Variants in SLC24A3 observed in about 807,000 individuals in gnomAD.
SLC24A3 encodes the protein sodium/potassium/calcium exchanger 3.
In SLC24A3, 28 loss-of-function variants were observed where a neutral mutation model predicts 75.8. The ratio of observed to expected loss-of-function variants is 0.37; its 90% confidence interval spans 0.27 to 0.51. The LOEUF is 0.51. Ranked by LOEUF, SLC24A3 falls within the 20% of genes least tolerant of loss-of-function variation. SLC24A3 has a pLI of 0.94. For synonymous variants in SLC24A3, 372 were observed against 334.1 expected, an observed-to-expected ratio of 1.11 and a Z score of -1.24; for missense variants, 663 against 847.8, an observed-to-expected ratio of 0.78 and a Z score of 2.71.
chr20:19,283,977 C>T (rs112701278), intron 2 of SLC24A3, among the ~76,000 whole-genome samples: 2 of 152,126 alleles, frequency 1.3e-5, no homozygotes, highest in Admixed American at 6.5e-5. Flanking sequence ...CTAAACAGAC[C>T]GTCATCTAGA....
chr20:19,406,181 GGTGTGTGTGTGT>G (rs372463704), intron 2 of SLC24A3, among the ~76,000 whole-genome samples: 2 of 145,444 alleles, frequency 1.4e-5, no homozygotes, highest in South Asian at 2.2e-4. Context: ...TTTTAAAGAT[GGTGTGTGTGTGT>G]GTGTGTGTGT....
intron 3 of SLC24A3, among the ~76,000 whole-genome samples, chr20:19,557,920 C>T (rs2030815791): frequency 6.6e-6 from 1 of 152,048 alleles, no homozygotes; most frequent in African/African-American, 2.4e-5. Flanking sequence ...CAATAATATC[C>T]CCCCTTTTTA....
chr20:19,372,613 C>T (rs3790195), intron 2 of SLC24A3, among the ~76,000 whole-genome samples: 68,975 of 152,028 alleles, frequency 0.45, 16,469 homozygotes, highest in African/African-American at 0.57. Context: ...AACAGACTAA[C>T]CAAACCTTGG....
intron 2 of SLC24A3, among the ~76,000 whole-genome samples, chr20:19,310,681 C>T (rs1984436822): frequency 1.3e-5 from 2 of 152,326 alleles, no homozygotes; most frequent in Non-Finnish European, 2.9e-5. Flanking sequence ...ATCTGTGCTG[C>T]AGTCATTCAG....
intron 3 of SLC24A3, among the ~76,000 whole-genome samples, chr20:19,547,936 G>A (rs1379426876): frequency 1.3e-5 from 2 of 152,166 alleles, no homozygotes; most frequent in East Asian, 1.9e-4. Context: ...CCAAGTATTG[G>A]GAACTGTGGT....
intron 1 of SLC24A3, among the ~76,000 whole-genome samples, chr20:19,262,995 G>A (rs1194022468): frequency 2.0e-5 from 3 of 150,214 alleles, no homozygotes; most frequent in Admixed American, 1.3e-4. Flanking sequence ...ACGCCCCTTT[G>A]TTCCTAGAAT....
intron 2 of SLC24A3, among the ~76,000 whole-genome samples, chr20:19,455,913 G>A (rs560074786): frequency 5.3e-5 from 8 of 152,340 alleles, no homozygotes; most frequent in African/African-American, 1.9e-4. Flanking sequence ...CTTAAGTAAC[G>A]TTTATTAGGC....
At chr20:19,422,356 T>G (rs1009759912) in intron 2 of SLC24A3, among the ~76,000 whole-genome samples, 1 of 152,102 alleles carries the variant, frequency 6.6e-6, no homozygotes, top group Non-Finnish European at 1.5e-5. Context: ...CGTGCCTTTG[T>G]CAAGCAGGTA....
intron 6 of SLC24A3, among the ~76,000 whole-genome samples, chr20:19,594,690 G>A (rs2031428517): frequency 1.3e-5 from 2 of 152,152 alleles, no homozygotes; most frequent in Non-Finnish European, 2.9e-5. Flanking sequence ...GTGAGTGGGT[G>A]GGTGGCTGAG....
chr20:19,704,288 G>A (rs918146032), intron 15 of SLC24A3, among the ~76,000 whole-genome samples: 4 of 152,144 alleles, frequency 2.6e-5, no homozygotes, highest in African/African-American at 4.8e-5. Context: ...AAGCACAACA[G>A]CAAAAAGAAT....
intron 2 of SLC24A3, among the ~76,000 whole-genome samples, chr20:19,448,962 G>A (rs1470030254): frequency 6.6e-6 from 1 of 152,216 alleles, no homozygotes; most frequent in Non-Finnish European, 1.5e-5. Context: ...CTGAACAGCA[G>A]CCATTCAGCC....
intron 2 of SLC24A3, among the ~76,000 whole-genome samples, chr20:19,332,107 A>G (rs984207400): frequency 6.6e-6 from 1 of 152,240 alleles, no homozygotes; most frequent in Non-Finnish European, 1.5e-5. Flanking sequence ...TGGACCATCT[A>G]AGGTCTTGTC....
At chr20:19,590,335 G>A (rs961467294) in intron 6 of SLC24A3, among the ~76,000 whole-genome samples, 8 of 151,764 alleles carry the variant, frequency 5.3e-5, no homozygotes, top group African/African-American at 1.5e-4. Context: ...AGCTTACCCC[G>A]TACACCTTGA....
chr20:19,283,042 A>T (rs1231156520), intron 2 of SLC24A3: 1 of 152,664 alleles, frequency 6.6e-6, no homozygotes, highest in Admixed American at 6.5e-5. Flanking sequence ...AGGCTTCAGG[A>T]GGAATATGGG....
At chr20:19,678,553 G>A (rs1231331304) in intron 9 of SLC24A3, among the ~76,000 whole-genome samples, 2 of 145,414 alleles carry the variant, frequency 1.4e-5, no homozygotes, top group Middle Eastern at 3.7e-3. Context: ...CGGCTGGCCG[G>A]GCAGAGGGGC....
intron 15 of SLC24A3, among the ~76,000 whole-genome samples, chr20:19,702,401 C>G (rs1174219177): frequency 2.0e-5 from 3 of 152,100 alleles, no homozygotes; most frequent in Non-Finnish European, 4.4e-5. Context: ...GGTCATTCTG[C>G]TGGAATTATA....
At chr20:19,312,074 G>A (rs944141471) in intron 2 of SLC24A3, among the ~76,000 whole-genome samples, 4 of 152,140 alleles carry the variant, frequency 2.6e-5, no homozygotes, top group East Asian at 1.9e-4. Flanking sequence ...ATCACTGCCC[G>A]GATGGAAAAT....
chr20:19,502,318 T>C (rs1988396188), intron 2 of SLC24A3, among the ~76,000 whole-genome samples: 1 of 152,124 alleles, frequency 6.6e-6, no homozygotes, highest in African/African-American at 2.4e-5. Context: ...CGTGACTGAC[T>C]GCTGAACCTC....
chr20:19,544,933 G>A (rs1162162722), intron 3 of SLC24A3, among the ~76,000 whole-genome samples: 2 of 152,302 alleles, frequency 1.3e-5, no homozygotes, highest in East Asian at 3.9e-4. Flanking sequence ...TAAGGGAAAC[G>A]AGCAGGGAAA....
Sources: allele counts gnomAD v4.1 joint callset (sites outside exome capture counted in the v4.1 genomes callset), GRCh38; gene constraint gnomAD v4.1.1; transcripts MANE v1.5; gene names NCBI Gene and HGNC (gene_info 2026-07-23, HGNC 2026-07-21).